ARK2N: variants seen among roughly 807,000 people sequenced by gnomAD.
The protein encoded by ARK2N is protein ARK2N.
chr18:46,223,044 C>A, the ARK2N span, among the ~76,000 whole-genome samples: 10 of 152,088 alleles, frequency 6.6e-5, no homozygotes, highest in Non-Finnish European at 1.0e-4. Flanking sequence ...TCTCACTGCC[C>A]CCAGCATAAA....
chr18:46,253,191 G>C, the ARK2N span, among the ~76,000 whole-genome samples: 91 of 152,252 alleles, frequency 6.0e-4, no homozygotes, highest in South Asian at 1.5e-3. Context: ...TATAAATATG[G>C]TATTAGTGAT....
the ARK2N span, among the ~76,000 whole-genome samples, chr18:46,200,066 T>TTGTGTGTGTG: frequency 8.4e-3 from 1,265 of 150,144 alleles, 9 homozygotes; most frequent in Non-Finnish European, 0.014. Context: ...AAATTCTTTA[T>TTGTGTGTGTG]TGTGTGTGTG....
At chr18:46,222,033 T>A in the ARK2N span, among the ~76,000 whole-genome samples, 1 of 152,222 alleles carries the variant, frequency 6.6e-6, no homozygotes. Flanking sequence ...GTAAAATACA[T>A]ATGGTTTGCA....
the ARK2N span, among the ~76,000 whole-genome samples, chr18:46,259,901 G>A: frequency 2.8e-5 from 4 of 141,046 alleles, no homozygotes; most frequent in East Asian, 2.1e-4. Flanking sequence ...GTGTGTGTGC[G>A]ACAGAGATGG....
chr18:46,202,188 C>T, the ARK2N span, among the ~76,000 whole-genome samples: 5 of 152,098 alleles, frequency 3.3e-5, no homozygotes, highest in East Asian at 7.7e-4. Context: ...TGTTTTATGT[C>T]CAATTTTTAG....
the ARK2N span, among the ~76,000 whole-genome samples, chr18:46,190,386 G>T: frequency 2.4e-5 from 1 of 42,110 alleles, no homozygotes; most frequent in East Asian, 5.5e-4. Flanking sequence ...CAGGCGTGGT[G>T]GCGCATGCCT....
chr18:46,259,813 T>TGTG, the ARK2N span, among the ~76,000 whole-genome samples: 30 of 145,370 alleles, frequency 2.1e-4, no homozygotes, highest in South Asian at 4.3e-4. Flanking sequence ...TGTGTGTGTG[T>TGTG]TTGACAGAGA....
the ARK2N span, among the ~76,000 whole-genome samples, chr18:46,246,382 A>G: frequency 6.6e-6 from 1 of 152,202 alleles, no homozygotes; most frequent in Non-Finnish European, 1.5e-5. Flanking sequence ...TGGCTCTGAA[A>G]TAGAAGAAGG....
the ARK2N span, among the ~76,000 whole-genome samples, chr18:46,179,325 C>T: frequency 1.3e-5 from 2 of 152,016 alleles, no homozygotes; most frequent in Non-Finnish European, 2.9e-5. Flanking sequence ...TTAAATAAAT[C>T]TGATAGTTAT....
the ARK2N span, among the ~76,000 whole-genome samples, chr18:46,244,860 C>T: frequency 2.0e-5 from 3 of 151,886 alleles, no homozygotes; most frequent in African/African-American, 4.8e-5. Context: ...CTTGGCCTCC[C>T]GAAGTGCTAA....
the ARK2N span, among the ~76,000 whole-genome samples, chr18:46,228,137 A>G: frequency 1.3e-5 from 2 of 151,502 alleles, no homozygotes; most frequent in South Asian, 2.1e-4. Context: ...CAGGAAGAGC[A>G]TATTGGTTTT....
At chr18:46,203,610 T>G in the ARK2N span, among the ~76,000 whole-genome samples, 1 of 152,008 alleles carries the variant, frequency 6.6e-6, no homozygotes, top group African/African-American at 2.4e-5. Flanking sequence ...TTCTTAAGGT[T>G]TTTTTTTGAG....
At chr18:46,202,500 A>T in the ARK2N span, among the ~76,000 whole-genome samples, 3 of 152,324 alleles carry the variant, frequency 2.0e-5, no homozygotes, top group East Asian at 5.8e-4. Flanking sequence ...TAGAGAAGGA[A>T]GAGACTATAT....
the ARK2N span, chr18:46,239,923 A>C: frequency 1.6e-6 from 2 of 1,285,498 alleles, no homozygotes; most frequent in South Asian, 2.6e-5. Flanking sequence ...AAGGCAACTG[A>C]CATTAGAGGG....
chr18:46,234,730 A>T, the ARK2N span, among the ~76,000 whole-genome samples: 1 of 152,100 alleles, frequency 6.6e-6, no homozygotes, highest in African/African-American at 2.4e-5. Context: ...ATTGAGGCTA[A>T]GTATGATGTT....
the ARK2N span, among the ~76,000 whole-genome samples, chr18:46,205,713 GT>G: frequency 6.9e-4 from 105 of 152,158 alleles, no homozygotes; most frequent in South Asian, 3.9e-3. Flanking sequence ...CCTGTGGGTT[GT>G]TTTGTTTTGT....
chr18:46,180,211 A>G, the ARK2N span, among the ~76,000 whole-genome samples: 1 of 152,216 alleles, frequency 6.6e-6, no homozygotes, highest in Non-Finnish European at 1.5e-5. Flanking sequence ...TAATAGGTAG[A>G]TGGTGTAAAT....
the ARK2N span, among the ~76,000 whole-genome samples, chr18:46,245,295 C>G: frequency 6.6e-6 from 1 of 152,000 alleles, no homozygotes; most frequent in Non-Finnish European, 1.5e-5. Flanking sequence ...AGGCTGGGTG[C>G]TGTGGCTCAC....
chr18:46,249,849 A>G, the ARK2N span, among the ~76,000 whole-genome samples: 1 of 151,646 alleles, frequency 6.6e-6, no homozygotes, highest in Non-Finnish European at 1.5e-5. Flanking sequence ...TTGCTTTGCT[A>G]TATTGGCTTT....
Sources: gnomAD v4.1 joint callset for allele counts (sites outside exome capture counted in the v4.1 genomes callset) on GRCh38, gnomAD v4.1.1 for gene constraint, MANE v1.5 for transcripts, NCBI Gene and HGNC (gene_info 2026-07-23, HGNC 2026-07-21) for gene names.